GPATCH1: variants seen among roughly 807,000 people sequenced by gnomAD.
GPATCH1 encodes G patch domain-containing protein 1.
GPATCH1 carries 73 observed loss-of-function variants against 114.9 expected under a neutral mutation model. The ratio of observed to expected loss-of-function variants is 0.64; its 90% confidence interval spans 0.53 to 0.77. GPATCH1 has a LOEUF of 0.77. Ranked by LOEUF, GPATCH1 falls within the 30% of genes least tolerant of loss-of-function variation. The probability of loss-of-function intolerance (pLI) is 0.00; values close to 1 mark genes in which losing one functional copy is unlikely to be tolerated. For synonymous variants in GPATCH1, 391 were observed against 428.4 expected (o/e 0.91, Z 1.08); for missense variants, 1,058 against 1,144.3 (o/e 0.92, Z 1.09).
chr19:33,098,189 C>G (rs900965717), intron 8 of GPATCH1, among the ~76,000 whole-genome samples: 17 of 152,172 alleles, frequency 1.1e-4, no homozygotes, highest in African/African-American at 4.1e-4. Flanking sequence ...CTGGTCAGAG[C>G]TGGCAGTGGG....
rs188840173 is a variant in GPATCH1, at chr19:33,119,513, C to A, written c.2521+396C>A. The stretch of plus-strand genomic sequence containing the variant: ...AAGAGATCGAGACCATTCTGGCCAA[C>A]ATAGTGAAACCCCGTCTCTACTAAA... On this transcript the variant is annotated intron_variant, in intron 17 of 19. Coordinates refer to ENST00000170564, the MANE Select transcript of GPATCH1 (RefSeq NM_018025.3). Among the ~76,000 whole-genome samples the A allele has an allele frequency of 5.4e-4, 81 of 151,116 alleles. 2 individuals carry two copies. The East Asian group carries it at 0.01, about 20-fold the overall frequency.
intron 10 of GPATCH1, among the ~76,000 whole-genome samples, chr19:33,107,752 A>AT (rs1317164572): frequency 1.3e-5 from 2 of 151,980 alleles, no homozygotes; most frequent in Non-Finnish European, 2.9e-5. Flanking sequence ...GCGCTTCCTC[A>AT]TCTAAGTCTT....
At chr19:33,094,386 C>T (rs1283651511) in intron 5 of GPATCH1, 117 bp downstream of exon 5, 12 of 631,150 alleles carry the variant, frequency 1.9e-5, no homozygotes, top group South Asian at 5.4e-5. Flanking sequence ...TCCCGGCATA[C>T]TGCAGCCTTG....
chr19:33,112,345 G>C (rs1433346049), intron 12 of GPATCH1, 141 bp from the exon 13 acceptor site: 16 of 860,690 alleles, frequency 1.9e-5, no homozygotes, highest in Non-Finnish European at 2.6e-5. Flanking sequence ...TTATGCCTTA[G>C]TTTCCAATGT....
intron 2 of GPATCH1, among the ~76,000 whole-genome samples, chr19:33,089,245 T>A (rs1452321210): frequency 6.6e-6 from 1 of 152,170 alleles, no homozygotes; most frequent in Non-Finnish European, 1.5e-5. Context: ...ATCTTGCAGA[T>A]GATGCCACCA....
chr19:33,107,128 G>A (rs572238602), intron 10 of GPATCH1, among the ~76,000 whole-genome samples: 33 of 152,162 alleles, frequency 2.2e-4, no homozygotes, highest in African/African-American at 8.0e-4. Flanking sequence ...GTCTAGGTCT[G>A]TCACCCAGGC....
At chr19:33,128,614 G>A (rs1473165571) in intron 19 of GPATCH1, among the ~76,000 whole-genome samples, 4 of 152,058 alleles carry the variant, frequency 2.6e-5, no homozygotes, top group Admixed American at 6.6e-5. Flanking sequence ...AACTGGTCTC[G>A]AACTCCTGGC....
intron 11 of GPATCH1, 73 bp downstream of exon 11, chr19:33,110,089 C>G: frequency 7.8e-7 from 1 of 1,280,236 alleles, no homozygotes; most frequent in South Asian, 1.4e-5. Context: ...CATCCTAGAC[C>G]CATATTTACA....
At chr19:33,081,680 G>A (rs1972478390) in intron 1 of GPATCH1, among the ~76,000 whole-genome samples, 2 of 152,124 alleles carry the variant, frequency 1.3e-5, no homozygotes, top group Non-Finnish European at 2.9e-5. Flanking sequence ...TGAAGTGGGA[G>A]CCAGTTTAGG....
At chr19:33,084,168 A>G (rs1364492682) in intron 1 of GPATCH1, among the ~76,000 whole-genome samples, 2 of 152,210 alleles carry the variant, frequency 1.3e-5, no homozygotes, top group African/African-American at 4.8e-5. Flanking sequence ...GATATAACAC[A>G]CTAGACTAAT....
chr19:33,116,518 TTTTTG>T (rs1023280368), intron 15 of GPATCH1, among the ~76,000 whole-genome samples: 17 of 152,152 alleles, frequency 1.1e-4, no homozygotes, highest in African/African-American at 3.9e-4. Context: ...GGGTTGATAA[TTTTTG>T]TTTTGTTTTG....
At chr19:33,082,615 G>A (rs899622511) in intron 1 of GPATCH1, among the ~76,000 whole-genome samples, 3 of 152,178 alleles carry the variant, frequency 2.0e-5, no homozygotes, top group Non-Finnish European at 4.4e-5. Context: ...AGGCTGAGGT[G>A]GGAGGATTGC....
chr19:33,099,755 C>T (rs933588653), intron 8 of GPATCH1, among the ~76,000 whole-genome samples: 11 of 150,438 alleles, frequency 7.3e-5, no homozygotes, highest in Admixed American at 3.3e-4. Context: ...TGCACCACCA[C>T]GCCCAGCTAA....
chr19:33,085,894 C>T (rs1041228136), intron 1 of GPATCH1, among the ~76,000 whole-genome samples: 3 of 152,142 alleles, frequency 2.0e-5, no homozygotes, highest in Non-Finnish European at 2.9e-5. Context: ...CATCATCTGC[C>T]GCCACAGGTT....
chr19:33,120,321 TG>T (rs1599866001), intron 17 of GPATCH1, among the ~76,000 whole-genome samples: 7 of 133,678 alleles, frequency 5.2e-5, no homozygotes, highest in African/African-American at 1.4e-4. Flanking sequence ...TACATAAAAA[TG>T]ATATATAAAA....
At chr19:33,088,053 A>G in intron 1 of GPATCH1, 81 bp from the exon 2 acceptor site, 1 of 763,172 alleles carries the variant, frequency 1.3e-6, no homozygotes, top group Non-Finnish European at 2.0e-6. Context: ...ATGATATTTA[A>G]AAAGTGACAT....
chr19:33,125,002 C>T, intron 17 of GPATCH1, 103 bp from the exon 18 acceptor site: 2 of 1,202,718 alleles, frequency 1.7e-6, no homozygotes, highest in Non-Finnish European at 2.3e-6. Context: ...GTTAAACATT[C>T]CATCTACACT....
intron 19 of GPATCH1, 105 bp from the exon 20 acceptor site, chr19:33,130,025 G>A (rs1309484260): frequency 7.7e-6 from 6 of 782,728 alleles, no homozygotes; most frequent in Non-Finnish European, 1.1e-5. Flanking sequence ...GTGCAGACAT[G>A]CTGCTGTGAT....
intron 19 of GPATCH1, among the ~76,000 whole-genome samples, chr19:33,129,007 G>A (rs944465783): frequency 6.6e-6 from 1 of 152,058 alleles, no homozygotes; most frequent in African/African-American, 2.4e-5. Flanking sequence ...CAGCACTCTG[G>A]GAGGCCGAGG....
Sources: allele counts gnomAD v4.1 joint callset (sites outside exome capture counted in the v4.1 genomes callset), GRCh38; gene constraint gnomAD v4.1.1; transcripts MANE v1.5; gene names NCBI Gene and HGNC (gene_info 2026-07-23, HGNC 2026-07-21).